ADAMTS12: variants seen among roughly 807,000 people sequenced by gnomAD.
ADAMTS12 encodes A disintegrin and metalloproteinase with thrombospondin motifs 12.
Under a neutral mutation model 167.8 loss-of-function variants are expected in ADAMTS12, and 118 were observed. The observed-to-expected ratio is 0.70, with a 90% CI of 0.61 to 0.82. The LOEUF (loss-of-function observed/expected upper bound fraction) is 0.82. Among genes scored for constraint, ADAMTS12 ranks in the 40% least tolerant of loss-of-function variants. The pLI, the probability that ADAMTS12 is intolerant of heterozygous loss-of-function variation, is 0.00. For synonymous variants in ADAMTS12, 704 were observed against 716.9 expected (o/e 0.98, Z 0.29); for missense variants, 1,916 against 1,998.8 (o/e 0.96, Z 0.79).
intron 16 of ADAMTS12, among the ~76,000 whole-genome samples, chr5:33,602,665 G>A (rs1425875495): frequency 6.6e-6 from 1 of 152,160 alleles, no homozygotes; most frequent in East Asian, 1.9e-4. Context: ...CACAAATCAG[G>A]GTTATAGCGG....
chr5:33,878,431 G>A (rs946004886), intron 2 of ADAMTS12, among the ~76,000 whole-genome samples: 3 of 152,120 alleles, frequency 2.0e-5, no homozygotes, highest in Non-Finnish European at 4.4e-5. Context: ...GCTTCTGAAC[G>A]TCGTATGAAT....
At chr5:33,728,337 A>G (rs1368033583) in intron 3 of ADAMTS12, among the ~76,000 whole-genome samples, 9 of 152,224 alleles carry the variant, frequency 5.9e-5, no homozygotes, top group Non-Finnish European at 1.5e-5. Context: ...CACGAAAGGG[A>G]TGCTCTGAGC....
intron 3 of ADAMTS12, among the ~76,000 whole-genome samples, chr5:33,694,822 T>C (rs773660297): frequency 6.6e-6 from 1 of 152,216 alleles, no homozygotes; most frequent in Non-Finnish European, 1.5e-5. Flanking sequence ...CATATTGAAA[T>C]AATAATATTC....
chr5:33,848,468 G>A (rs1029459200), intron 2 of ADAMTS12, among the ~76,000 whole-genome samples: 2 of 152,218 alleles, frequency 1.3e-5, no homozygotes, highest in African/African-American at 4.8e-5. Context: ...ATCTATACAA[G>A]ATTTTAAGAA....
At chr5:33,730,510 T>C (rs1417980723) in intron 3 of ADAMTS12, among the ~76,000 whole-genome samples, 1 of 152,206 alleles carries the variant, frequency 6.6e-6, no homozygotes. Context: ...TATTTTTATT[T>C]TTTCCTATAG....
rs1689464117 is a variant in ADAMTS12, at chr5:33,549,275, G to A, written c.4234C>T (p.Pro1412Ser). Reference protein sequence around the residue: ...PFHCQFLAGIPPPLSMSCNPE... With the variant: ...PFHCQFLAGISPPLSMSCNPE... ...TTACAGCTCATGCTCAATGGGGGAGGAATGCCGGCCAGGAACTGGCAGTGA... is the reference window on the plus strand; with the variant it reads ...TTACAGCTCATGCTCAATGGGGGAGAAATGCCGGCCAGGAACTGGCAGTGA... Residue 1412 changes from proline to serine, a missense_variant, in exon 21 of 24, where the codon CCT becomes TCT. Coordinates refer to ENST00000504830, the MANE Select transcript of ADAMTS12 (RefSeq NM_030955.4). 1 of 1,614,082 alleles carries A rather than the reference G, an allele frequency of 6.2e-7. No individual in the cohort carries two copies. The highest frequency in any genetic ancestry group is 1.3e-5 in the African/African-American group (1 of 74,912).
chr5:33,570,010 A>G (rs765231098), intron 19 of ADAMTS12, among the ~76,000 whole-genome samples: 1 of 152,248 alleles, frequency 6.6e-6, no homozygotes, highest in Non-Finnish European at 1.5e-5. Context: ...TGGAAGACGA[A>G]ATGAATGAAA....
At chr5:33,685,917 C>T (rs1001310034) in intron 3 of ADAMTS12, among the ~76,000 whole-genome samples, 4 of 152,138 alleles carry the variant, frequency 2.6e-5, no homozygotes, top group Non-Finnish European at 4.4e-5. Flanking sequence ...TGTTTCAAAC[C>T]GCTATCTGCT....
At chr5:33,816,879 C>G (rs976923947) in intron 2 of ADAMTS12, among the ~76,000 whole-genome samples, 1 of 152,144 alleles carries the variant, frequency 6.6e-6, no homozygotes, top group African/African-American at 2.4e-5. Context: ...ACAACTCTAG[C>G]TCTTTATATA....
At chr5:33,876,551 T>A (rs1227566624) in intron 2 of ADAMTS12, among the ~76,000 whole-genome samples, 3 of 151,076 alleles carry the variant, frequency 2.0e-5, no homozygotes, top group African/African-American at 7.3e-5. Flanking sequence ...GCTGGAACAA[T>A]CAGACATCCA....
intron 19 of ADAMTS12, among the ~76,000 whole-genome samples, chr5:33,565,304 C>A (rs1335697235): frequency 6.6e-6 from 1 of 152,148 alleles, no homozygotes; most frequent in Non-Finnish European, 1.5e-5. Context: ...TACAGGCATG[C>A]GCCACCACGT....
intron 22 of ADAMTS12, 140 bp downstream of exon 22, chr5:33,545,919 G>T (rs1342082441): frequency 1.0e-6 from 1 of 992,956 alleles, no homozygotes; most frequent in Non-Finnish European, 1.4e-6. Context: ...TAAATGATGA[G>T]TTGATGGGTG....
In ADAMTS12 at chr5:33,881,073, T is replaced by C. The variant is rs762045999; in HGVS notation, c.489+46A>G. 8 of 1,588,994 alleles carry C rather than the reference T, an allele frequency of 5.0e-6. No homozygotes were observed. The South Asian group carries it at 9.2e-5, about 18-fold the overall frequency. On this transcript the variant is annotated intron_variant, in intron 2 of 23. Coordinates refer to ENST00000504830, the MANE Select transcript of ADAMTS12 (RefSeq NM_030955.4). ...TGGTAGTAGGTCTACCAGCTGAGAC[T>C]CTAGGGGCCAGGGCAGAGGAAGGAG...
rs767305985 is a variant in ADAMTS12 at position 33,576,672 on chromosome 5, G to T, written c.3354C>A (p.Gly1118=). ...AACCACTTGTTGTTGTAGCTACAAG[G>T]CCTCCCTCCGAGGTAGGACCAGTAT... ...SSDTGPTSEG[G]LVATTTSGSG... The change falls in exon 19 of 24, where the codon GGC becomes GGA. Residue 1118 remains glycine, a synonymous_variant. Transcript: ENST00000504830. The T allele has an allele frequency of 1.2e-5, 20 of 1,614,096 alleles. No homozygotes were observed. The South Asian group carries it at 2.2e-4, about 18-fold the overall frequency.
chr5:33,592,348 A>T (rs1261292466), intron 17 of ADAMTS12, among the ~76,000 whole-genome samples: 1 of 152,212 alleles, frequency 6.6e-6, no homozygotes. Flanking sequence ...TTTAAGTCAT[A>T]TGTCATTATT....
intron 2 of ADAMTS12, among the ~76,000 whole-genome samples, chr5:33,826,659 A>G (rs1579969142): frequency 6.6e-6 from 1 of 152,120 alleles, no homozygotes; most frequent in African/African-American, 2.4e-5. Flanking sequence ...GAAAATGTGT[A>G]CCACTGCCCA....
At chr5:33,558,510 G>A (rs1311051729) in intron 20 of ADAMTS12, among the ~76,000 whole-genome samples, 2 of 151,038 alleles carry the variant, frequency 1.3e-5, no homozygotes, top group African/African-American at 4.9e-5. Context: ...GGCCATGAAA[G>A]AGAGAGAGAG....
At chr5:33,861,830 C>G (rs1270075202) in intron 2 of ADAMTS12, among the ~76,000 whole-genome samples, 1 of 152,206 alleles carries the variant, frequency 6.6e-6, no homozygotes, top group East Asian at 1.9e-4. Flanking sequence ...CAAACAGACT[C>G]TCAGACCACA....
chr5:33,739,104 C>T (rs1744473804), intron 3 of ADAMTS12, among the ~76,000 whole-genome samples: 1 of 152,166 alleles, frequency 6.6e-6, no homozygotes, highest in Non-Finnish European at 1.5e-5. Flanking sequence ...AGGCTTTCAA[C>T]ATGCTGCATT....
Sources: gnomAD v4.1 joint callset for allele counts (sites outside exome capture counted in the v4.1 genomes callset) on GRCh38, gnomAD v4.1.1 for gene constraint, MANE v1.5 for transcripts, NCBI Gene and HGNC (gene_info 2026-07-23, HGNC 2026-07-21) for gene names.